The following CECR2 variants were observed in gnomAD, a reference collection of about 807,000 sequenced individuals.
CECR2 encodes the protein CECR2 histone acetyl-lysine reader, also known as chromatin remodeling regulator CECR2.
A neutral mutation model predicts 154.5 loss-of-function variants in CECR2; 30 were observed. That is an observed-to-expected ratio of 0.19 (90% CI 0.15 to 0.26). The LOEUF (loss-of-function observed/expected upper bound fraction) is 0.26. CECR2 is among the 10% of genes least tolerant of loss of function. The pLI, the probability that CECR2 is intolerant of heterozygous loss-of-function variation, is 1.00. For synonymous variants in CECR2, 725 were observed against 683.7 expected (o/e 1.06, Z -0.94); for missense variants, 1,743 against 1,829.3 (o/e 0.95, Z 0.86).
intron 1 of CECR2, among the ~76,000 whole-genome samples, chr22:17,420,031 T>C (rs1425673045): frequency 6.6e-6 from 1 of 152,136 alleles, no homozygotes; most frequent in Admixed American, 6.6e-5. Context: ...GAGGGGAGGA[T>C]AAAAAGAAAA....
At chr22:17,361,509 A>C (rs1398802423) in intron 1 of CECR2, among the ~76,000 whole-genome samples, 2 of 146,012 alleles carry the variant, frequency 1.4e-5, no homozygotes, top group Middle Eastern at 3.6e-3. Context: ...CCCCCCACCC[A>C]AAAAAAAAAC....
intron 1 of CECR2, among the ~76,000 whole-genome samples, chr22:17,476,312 T>C (rs1241396770): frequency 6.6e-6 from 1 of 151,994 alleles, no homozygotes; most frequent in Non-Finnish European, 1.5e-5. Context: ...TCGCCCAGGC[T>C]GGAGTACGCT....
chr22:17,506,569 T>G (rs2055849115), intron 7 of CECR2, among the ~76,000 whole-genome samples: 1 of 152,218 alleles, frequency 6.6e-6, no homozygotes, highest in African/African-American at 2.4e-5. Context: ...TCTTTGTGAG[T>G]TCAGGCTTCT....
intron 16 of CECR2, among the ~76,000 whole-genome samples, chr22:17,544,250 G>C (rs2056575194): frequency 6.6e-6 from 1 of 152,132 alleles, no homozygotes; most frequent in Non-Finnish European, 1.5e-5. Flanking sequence ...TGTAATCCCA[G>C]CACTTTGGGA....
At chr22:17,444,888 G>A (rs907138709) in intron 1 of CECR2, among the ~76,000 whole-genome samples, 6 of 152,154 alleles carry the variant, frequency 3.9e-5, no homozygotes, top group African/African-American at 1.4e-4. Flanking sequence ...TTCCAGGAAG[G>A]TGATACAGAT....
At chr22:17,371,554 G>T in intron 1 of CECR2, among the ~76,000 whole-genome samples, 1 of 152,228 alleles carries the variant, frequency 6.6e-6, no homozygotes, top group Non-Finnish European at 1.5e-5. Flanking sequence ...ATGTTTCTCA[G>T]TTACTCTGAT....
chr22:17,515,619 T>C (rs1225501681), intron 8 of CECR2, among the ~76,000 whole-genome samples: 1 of 152,184 alleles, frequency 6.6e-6, no homozygotes, highest in African/African-American at 2.4e-5. Flanking sequence ...CGTGTGAACA[T>C]GTGATGAGAT....
chr22:17,494,159 G>C (rs527541277), intron 2 of CECR2, among the ~76,000 whole-genome samples: 2 of 152,324 alleles, frequency 1.3e-5, no homozygotes, highest in East Asian at 3.9e-4. Flanking sequence ...GCAATGGCGC[G>C]ATCTTGGCTC....
chr22:17,429,554 AAAC>A (rs1342144025), intron 1 of CECR2, among the ~76,000 whole-genome samples: 7 of 151,470 alleles, frequency 4.6e-5, no homozygotes, highest in African/African-American at 9.7e-5. Context: ...ACAAAAACAA[AAAC>A]AAAGAAAAGA....
chr22:17,492,796 C>T (rs1013870558), intron 2 of CECR2, among the ~76,000 whole-genome samples: 7 of 152,046 alleles, frequency 4.6e-5, no homozygotes, highest in African/African-American at 1.7e-4. Context: ...AAGATAATTT[C>T]AGAATGATGA....
At position 17,548,358 on chromosome 22, in the gene CECR2, C is replaced by T; in HGVS notation, c.3071C>T (p.Pro1024Leu). ...TGTAAAGCAATGAAGGGCAAGAATC[C>T]CTGGCCCTCGGATAGCAGCTACCCC... The part of the protein sequence containing the change: ...DNCKAMKGKN[P>L]WPSDSSYPGP... The change falls in exon 17 of 19, where the codon CCC becomes CTC. Residue 1024 changes from proline to leucine, a missense_variant. Physicochemically the swap from Pro to Leu is moderately conservative, Grantham distance 98. This residue lies in a region of CECR2 where 1,250 missense variants were observed against 1,192.1 expected (regional missense o/e 1.05). Coordinates refer to ENST00000262608, the MANE Select transcript of CECR2 (RefSeq NM_001290047.2). 1.9e-6 allele frequency: 3 copies of T among 1,612,644 alleles called. No individual in the cohort carries two copies. Among genetic ancestry groups the T allele is most frequent in the South Asian group, 2.2e-5 (2 of 90,790 alleles).
At chr22:17,451,240 A>C (rs1365969365) in intron 1 of CECR2, among the ~76,000 whole-genome samples, 1 of 152,240 alleles carries the variant, frequency 6.6e-6, no homozygotes, top group Non-Finnish European at 1.5e-5. Flanking sequence ...TTCAATTGGC[A>C]GCCATTACAG....
At chr22:17,494,612 G>A (rs928531309) in intron 2 of CECR2, among the ~76,000 whole-genome samples, 6 of 152,238 alleles carry the variant, frequency 3.9e-5, no homozygotes, top group East Asian at 1.9e-4. Context: ...TGATAAAGCT[G>A]CCATACTCAT....
intron 5 of CECR2, 91 bp downstream of exon 5, chr22:17,500,826 G>C: frequency 6.6e-6 from 6 of 913,678 alleles, no homozygotes; most frequent in Middle Eastern, 2.2e-4. Context: ...CTGTGCCATG[G>C]GAAGCACATT....
intron 10 of CECR2, 63 bp downstream of exon 10, chr22:17,537,295 C>T: frequency 1.3e-6 from 2 of 1,577,830 alleles, no homozygotes. Flanking sequence ...AGCATTCAGG[C>T]ACTTGCCCCA....
chr22:17,556,497 A>G lies in CECR2; in HGVS notation c.*3657A>G, dbSNP rs899704861. 5.3e-5 allele frequency: 8 copies of G among 152,090 alleles called. No individual in the cohort carries two copies. The highest frequency in any genetic ancestry group is 1.7e-4 in the African/African-American group (7 of 41,400). The allele number at this position is 152,090 out of a possible 1,614,324, so 9.4% of individuals were successfully genotyped here. Reference sequence around the variant, plus strand: ...TGGCAGATGCCATCCCAGGCCCACAAAATCCCAGTGTTGCAGTCACCACAG... The same window carrying G: ...TGGCAGATGCCATCCCAGGCCCACAGAATCCCAGTGTTGCAGTCACCACAG... On this transcript the variant is annotated 3_prime_UTR_variant, in exon 19 of 19. Transcript: ENST00000262608.
At position 17,461,148 on chromosome 22, in the gene CECR2, C is replaced by T. The variant is rs141546219; in HGVS notation, c.127-16440C>T. Among the ~76,000 whole-genome samples the T allele has an allele frequency of 3.3e-3, 495 of 152,280 alleles. 3 individuals carry two copies. The highest frequency in any genetic ancestry group is 0.011 in the African/African-American group (467 of 41,558). ...GCAGCTCTTATTTGTAGAAATGGGA[C>T]GTTCTGTTTATTGTAGGTCCTAGTC... On this transcript the variant is annotated intron_variant, in intron 1 of 18. Coordinates refer to ENST00000262608, the MANE Select transcript of CECR2 (RefSeq NM_001290047.2).
At chr22:17,526,964 T>G (rs943690045) in intron 9 of CECR2, among the ~76,000 whole-genome samples, 1 of 152,058 alleles carries the variant, frequency 6.6e-6, no homozygotes, top group Admixed American at 6.6e-5. Flanking sequence ...TTAAAAAGCT[T>G]CTGCACAGCA....
At position 17,524,202 on chromosome 22, in the gene CECR2, A is replaced by G. The variant is rs754730786; in HGVS notation, c.1039A>G (p.Lys347Glu). ...TCAGATTCTTCTAGCAGTGCAGAAG[A>G]AGGAGCAGGAGCAGATGCTAAAGGA... ...ERQILLAVQK[K>E]EQEQMLKEER... Residue 347 changes from lysine to glutamate, a missense_variant, in exon 9 of 19, where the codon AAG (lysine) becomes GAG (glutamate). Physicochemically the swap from Lys to Glu is moderately conservative, Grantham distance 56. Coordinates refer to ENST00000262608, the MANE Select transcript of CECR2 (RefSeq NM_001290047.2). The G allele has an allele frequency of 5.6e-6, 9 of 1,609,452 alleles. No homozygotes were observed. The highest frequency in any genetic ancestry group is 2.2e-5 in the East Asian group (1 of 44,754).
Sources: allele counts gnomAD v4.1 joint callset (sites outside exome capture counted in the v4.1 genomes callset), GRCh38; gene constraint gnomAD v4.1.1; regional missense constraint gnomAD v4.1.1; transcripts MANE v1.5; gene names NCBI Gene and HGNC (gene_info 2026-07-23, HGNC 2026-07-21).